The following RBFOX2 variants were observed in gnomAD, a reference collection of about 807,000 sequenced individuals.
The protein encoded by RBFOX2 is RNA binding fox-1 homolog 2, also known as RNA binding protein fox-1 homolog 2.
In RBFOX2, 10 loss-of-function variants were observed where a neutral mutation model predicts 49.1. That is an observed-to-expected ratio of 0.20 (90% CI 0.13 to 0.35). The LOEUF is 0.35. RBFOX2 is among the 10% of genes least tolerant of loss of function. The pLI is 1.00. For missense variants in RBFOX2, 323 were observed against 486.9 expected (o/e 0.66, Z 3.17); for synonymous variants, 183 against 187.4 (o/e 0.98, Z 0.19).
chr22:35,937,988 A>G (rs115253453), intron 1 of RBFOX2, among the ~76,000 whole-genome samples: 1 of 152,180 alleles, frequency 6.6e-6, no homozygotes. Context: ...ACTGTAACTC[A>G]TATCTCCTGG....
intron 1 of RBFOX2, among the ~76,000 whole-genome samples, chr22:35,862,148 A>G (rs1569415167): frequency 6.6e-6 from 1 of 152,178 alleles, no homozygotes; most frequent in Non-Finnish European, 1.5e-5. Flanking sequence ...TATTGGGAGC[A>G]CTACAAAGGG....
intron 1 of RBFOX2, among the ~76,000 whole-genome samples, chr22:35,969,749 C>A (rs1480535158): frequency 2.0e-5 from 3 of 152,100 alleles, no homozygotes; most frequent in Non-Finnish European, 4.4e-5. Flanking sequence ...TTTTAAAAAT[C>A]TTTTTAACTA....
chr22:35,809,799 G>T lies in RBFOX2; in HGVS notation c.233C>A (p.Thr78Lys), dbSNP rs545167700. ...ACGTACCGTAAGAGATCCATTTTGT[G>T]TGCTGGGTGAGTTGCTGCTCTGCTC... is the stretch of plus-strand genomic sequence containing the variant. Residue 78 changes from threonine to lysine, a missense_variant, in exon 2 of 12, where the codon ACA becomes AAA. Thr to Lys is a moderately conservative substitution (Grantham distance 78). Transcript: ENST00000405409. 24 of 1,613,912 alleles carry T rather than the reference G, an allele frequency of 1.5e-5. No individual in the cohort carries two copies. The highest frequency in any genetic ancestry group is 1.9e-5 in the Non-Finnish European group (23 of 1,179,998).
intron 2 of RBFOX2, among the ~76,000 whole-genome samples, chr22:35,801,739 C>T (rs763811212): frequency 4.6e-5 from 7 of 152,088 alleles, no homozygotes; most frequent in African/African-American, 1.4e-4. Context: ...GCAGGAGAAT[C>T]GCTTGAACCT....
At position 35,947,458 on chromosome 22, in the gene RBFOX2, A is replaced by G. The variant is rs2054415817; in HGVS notation, c.43-8561T>C. Among the ~76,000 whole-genome samples the G allele has an allele frequency of 2.0e-5, 3 of 151,812 alleles. No individual in the cohort carries two copies. The South Asian group carries it at 6.2e-4, about 32-fold the overall frequency. On this transcript the variant is annotated intron_variant, in intron 1 of 5. Transcript: ENST00000408983. ...TGTGCTCCTTCTACTTATGTAAAAA[A>G]AAAAGTTACCTCAGGGAGGTCCTTC...
intron 2 of RBFOX2, among the ~76,000 whole-genome samples, chr22:35,809,239 G>A (rs1057248420): frequency 1.3e-5 from 2 of 152,208 alleles, no homozygotes; most frequent in East Asian, 3.9e-4. Context: ...AGGGCAGAGA[G>A]ATTAAATAAC....
rs758648963 is a variant in RBFOX2, at chr22:35,756,173, C to CA, written c.887+3714dup. The CA allele has an allele frequency of 3.5e-4, 518 of 1,478,554 alleles. 1 individual carries two copies. Among genetic ancestry groups the CA allele is most frequent in the South Asian group, 2.5e-3 (184 of 73,722 alleles). 91.6% of individuals were successfully genotyped at this position (1,478,554 alleles called of 1,614,324 possible). ...CAGAAAATCCACACAAAAACAAAAA[C>CA]AAAAAAAACAAAAGAACAGAAACAC... is the stretch of plus-strand genomic sequence containing the variant. On this transcript the variant is annotated intron_variant, in intron 9 of 11. Transcript: ENST00000405409.
In RBFOX2 at chr22:35,829,088, A is replaced by G. The variant is rs546036574; in HGVS notation, c.27+11104T>C. Among the ~76,000 whole-genome samples the G allele has an allele frequency of 2.5e-4, 38 of 152,208 alleles. 1 individual carries two copies. Among genetic ancestry groups the G allele is most frequent in the African/African-American group, 8.9e-4 (37 of 41,544 alleles). ...ACAAAACAAAACAAACAAACAACCC[A>G]AGACCCGAAAGGATCAAACTTTTTC... On this transcript the variant is annotated intron_variant, in intron 1 of 11. Coordinates refer to ENST00000405409, the Ensembl canonical transcript of RBFOX2.
intron 2 of RBFOX2, among the ~76,000 whole-genome samples, chr22:35,792,360 G>GAAAAGA (rs1213070835): frequency 1.6e-4 from 18 of 114,446 alleles, no homozygotes; most frequent in Admixed American, 4.9e-4. Flanking sequence ...GAAAAGAAAA[G>GAAAAGA]AAAAGAAAAA....
upstream of RBFOX2, among the ~76,000 whole-genome samples, chr22:35,962,081 T>C (rs560473927): frequency 1.2e-4 from 18 of 152,258 alleles, 1 homozygote; most frequent in South Asian, 3.5e-3. Flanking sequence ...AACAGTTGGG[T>C]CATTTCAGCT....
chr22:36,017,311 G>C (rs897563815), intron 1 of RBFOX2, among the ~76,000 whole-genome samples: 1 of 152,066 alleles, frequency 6.6e-6, no homozygotes, highest in Non-Finnish European at 1.5e-5. Context: ...GGTGGATCAT[G>C]ATGTCAGGAG....
chr22:35,811,256 G>A (rs924700639), intron 1 of RBFOX2, among the ~76,000 whole-genome samples: 1 of 152,206 alleles, frequency 6.6e-6, no homozygotes, highest in Non-Finnish European at 1.5e-5. Flanking sequence ...GTTGTGCTCA[G>A]TCTCCAACCC....
exon 12 of RBFOX2, chr22:35,741,027 T>C (rs1444643012): frequency 4.6e-5 from 7 of 152,246 alleles, no homozygotes. Context: ...AAAAAAAATG[T>C]TGGCTCAATT....
At chr22:36,014,495 C>T (rs968618301) in intron 1 of RBFOX2, among the ~76,000 whole-genome samples, 6 of 152,108 alleles carry the variant, frequency 3.9e-5, no homozygotes, top group South Asian at 4.1e-4. Context: ...AAACAGAATG[C>T]TGAATGAGTC....
At chr22:35,837,726 G>A (rs916971061) in intron 1 of RBFOX2, among the ~76,000 whole-genome samples, 5 of 152,126 alleles carry the variant, frequency 3.3e-5, no homozygotes, top group Non-Finnish European at 5.9e-5. Context: ...TATAATTTCA[G>A]GATGGGCAAA....
At chr22:35,809,574 A>G (rs1292332925) in intron 2 of RBFOX2, among the ~76,000 whole-genome samples, 4 of 152,138 alleles carry the variant, frequency 2.6e-5, no homozygotes, top group Admixed American at 6.5e-5. Flanking sequence ...CTTGGCAGGA[A>G]AATTGGGAGA....
At chr22:35,886,289 C>G (rs1384629604) in intron 1 of RBFOX2, among the ~76,000 whole-genome samples, 1 of 152,048 alleles carries the variant, frequency 6.6e-6, no homozygotes, top group Non-Finnish European at 1.5e-5. Flanking sequence ...AACATATGTT[C>G]TCTTATTTAA....
intron 1 of RBFOX2, among the ~76,000 whole-genome samples, chr22:35,983,724 A>C (rs569159878): frequency 6.6e-6 from 1 of 152,338 alleles, no homozygotes; most frequent in South Asian, 2.1e-4. Flanking sequence ...GGCACTTGAT[A>C]AATGGTTGGT....
At chr22:35,750,066 T>C (rs1275770966) in intron 9 of RBFOX2, among the ~76,000 whole-genome samples, 1 of 152,120 alleles carries the variant, frequency 6.6e-6, no homozygotes, top group Non-Finnish European at 1.5e-5. Flanking sequence ...CAGTCACCAC[T>C]TGAGTTAACA....
Sources: allele counts gnomAD v4.1 joint callset (sites outside exome capture counted in the v4.1 genomes callset), GRCh38; gene constraint gnomAD v4.1.1; transcripts MANE v1.5; gene names NCBI Gene and HGNC (gene_info 2026-07-23, HGNC 2026-07-21).